SMYD1: variants seen among roughly 807,000 people sequenced by gnomAD.
The protein encoded by SMYD1 is SET and MYND domain containing 1, also known as histone-lysine N-methyltransferase SMYD1.
A neutral mutation model predicts 54.0 loss-of-function variants in SMYD1; 49 were observed. The observed-to-expected ratio is 0.91, with a 90% CI of 0.72 to 1.15. The LOEUF (loss-of-function observed/expected upper bound fraction) is 1.15. SMYD1 is among the 50% of genes most tolerant of loss of function. SMYD1 has a pLI of 0.00. For missense variants in SMYD1, 653 were observed against 639.6 expected, an observed-to-expected ratio of 1.02 and a Z score of -0.23; for synonymous variants, 269 against 234.2, an observed-to-expected ratio of 1.15 and a Z score of -1.36.
intron 1 of SMYD1, among the ~76,000 whole-genome samples, chr2:88,082,149 C>G (rs546545782): frequency 3.3e-5 from 5 of 152,216 alleles, no homozygotes; most frequent in African/African-American, 1.2e-4. Context: ...GGTGCACCCT[C>G]TGTGGCCTAG....
At position 88,087,934 on chromosome 2, in the gene SMYD1, G is replaced by A; in HGVS notation, c.387G>A (p.Val129=). 6.2e-7 allele frequency: 1 copy of A among 1,613,982 alleles called. No homozygotes were observed. The highest frequency in any genetic ancestry group is 1.1e-5 in the South Asian group (1 of 91,080). The stretch of plus-strand genomic sequence containing the variant: ...TCACGGAGGGCTGCCTGGTGTCCGT[G>A]GACGACTTGCAGAACCACGTGGAGC... ...TGLTEGCLVS[V]DDLQNHVEHF... Residue 129 remains valine, a synonymous_variant, in exon 3 of 10, where the codon GTG becomes GTA. Transcript: ENST00000419482.
At chr2:88,076,247 C>A (rs1399803026) in intron 1 of SMYD1, among the ~76,000 whole-genome samples, 3 of 152,190 alleles carry the variant, frequency 2.0e-5, no homozygotes, top group Non-Finnish European at 2.9e-5. Flanking sequence ...CAGAGTCTCG[C>A]TCTGTCGCCC....
intron 7 of SMYD1, 90 bp from the exon 8 acceptor site, chr2:88,106,235 A>G: frequency 6.6e-7 from 1 of 1,512,242 alleles, no homozygotes; most frequent in Non-Finnish European, 9.0e-7. Context: ...AAAAAGAATG[A>G]TTGTCTGGTA....
At position 88,105,303 on chromosome 2, in the gene SMYD1, T is replaced by C. The variant is rs145125317; in HGVS notation, c.982-1022T>C. ...TTCTCATCTCGTAAAATGGGATTAT[T>C]AGTAGTACTCATCTCAATGTGTTCT... is the stretch of plus-strand genomic sequence containing the variant. On this transcript the variant is annotated intron_variant, in intron 7 of 9. Transcript: ENST00000419482. Among the ~76,000 whole-genome samples the C allele has an allele frequency of 1.0e-3, 157 of 152,278 alleles. 1 individual carries two copies. Among genetic ancestry groups the C allele is most frequent in the African/African-American group, 3.5e-3 (145 of 41,542 alleles).
intron 1 of SMYD1, among the ~76,000 whole-genome samples, chr2:88,082,142 G>T (rs1330852781): frequency 6.6e-6 from 1 of 152,080 alleles, no homozygotes; most frequent in Non-Finnish European, 1.5e-5. Flanking sequence ...CAGGGAGGGT[G>T]CACCCTCTGT....
intron 6 of SMYD1, among the ~76,000 whole-genome samples, chr2:88,097,790 T>C (rs1383537357): frequency 1.4e-5 from 2 of 147,054 alleles, no homozygotes; most frequent in Non-Finnish European, 3.0e-5. Flanking sequence ...CTACCATTTA[T>C]GAACATTAAA....
chr2:88,072,182 G>A (rs974646869), intron 1 of SMYD1, among the ~76,000 whole-genome samples: 3 of 152,082 alleles, frequency 2.0e-5, no homozygotes, highest in Non-Finnish European at 4.4e-5. Context: ...ATGAAATCTT[G>A]CTCTGTCAGC....
chr2:88,077,712 G>GTGGGCATT (rs1340915271), intron 1 of SMYD1, among the ~76,000 whole-genome samples: 1 of 151,060 alleles, frequency 6.6e-6, no homozygotes, highest in African/African-American at 2.4e-5. Flanking sequence ...CAGGGGAGGG[G>GTGGGCATT]TGGGCATTTC....
rs757864602 is a variant in SMYD1 at position 88,068,012 on chromosome 2, TG to T, written c.137+15del. The T allele has an allele frequency of 6.2e-7, 1 of 1,609,692 alleles. No individual in the cohort carries two copies. Among genetic ancestry groups the T allele is most frequent in the African/African-American group, 1.3e-5 (1 of 74,740 alleles). On this transcript the variant is annotated intron_variant, in intron 1 of 9. Coordinates refer to ENST00000419482, the MANE Select transcript of SMYD1 (RefSeq NM_198274.4). ...AGTGGTTTTTGACAGGTATGAAATGTGGGGAGTTGCCTTCTCTCCTGTTAGT... is the reference window on the plus strand; with the variant it reads ...AGTGGTTTTTGACAGGTATGAAATGTGGGAGTTGCCTTCTCTCCTGTTAGT...
chr2:88,097,214 A>G (rs185643000), intron 6 of SMYD1, among the ~76,000 whole-genome samples: 4 of 152,310 alleles, frequency 2.6e-5, no homozygotes, highest in Non-Finnish European at 5.9e-5. Context: ...TGGTTATCAA[A>G]AAGATATTCC....
chr2:88,077,572 G>C lies in SMYD1; in HGVS notation c.138-6744G>C, dbSNP rs921935649. ...TTGTGTGAATAGGAATGTAAGACTC[G>C]GGAGAAACGAGACTTGCTGAAGGTC... is the stretch of plus-strand genomic sequence containing the variant. On this transcript the variant is annotated intron_variant, in intron 1 of 9. Transcript: ENST00000419482. 2.0e-5 allele frequency among the ~76,000 whole-genome samples: 3 copies of C among 152,224 alleles called. No homozygotes were observed. In the South Asian group the frequency reaches 6.2e-4, roughly 32 times the overall value.
intron 7 of SMYD1, among the ~76,000 whole-genome samples, chr2:88,104,022 A>G (rs917465923): frequency 1.4e-5 from 2 of 147,780 alleles, no homozygotes; most frequent in African/African-American, 2.5e-5. Context: ...GCTGGAGTGC[A>G]GTGGCACGAT....
Position 88,096,752 on chromosome 2 carries a change from G to A in SMYD1, c.856G>A (p.Asp286Asn). The change falls in exon 6 of 10, where the codon GAC (aspartate) becomes AAC (asparagine). Residue 286 changes from aspartate to asparagine, a missense_variant. Coordinates refer to ENST00000419482, the MANE Select transcript of SMYD1 (RefSeq NM_198274.4). Reference protein sequence around the residue: ...CEHCQKKLKDDLFLGVKDNPK... With the variant: ...CEHCQKKLKDNLFLGVKDNPK... ...ACACTGCCAGAAAAAACTGAAGGAT[G>A]ACCTCTTCCTGGGGGTGAAAGACAA... 1 of 1,614,092 alleles carries A rather than the reference G, an allele frequency of 6.2e-7. No homozygotes were observed. The highest frequency in any genetic ancestry group is 8.5e-7 in the Non-Finnish European group (1 of 1,179,982).
At chr2:88,102,382 G>C (rs368826679) in intron 6 of SMYD1, among the ~76,000 whole-genome samples, 100 of 151,554 alleles carry the variant, frequency 6.6e-4, no homozygotes, top group African/African-American at 2.4e-3. Context: ...TTTTTGGTAA[G>C]ATCACTAGGC....
In SMYD1 at chr2:88,095,088, C is replaced by T. The variant is rs906801610; in HGVS notation, c.699-1507C>T. On this transcript the variant is annotated intron_variant, in intron 5 of 9. Coordinates refer to ENST00000419482, the MANE Select transcript of SMYD1 (RefSeq NM_198274.4). ...TGAAGTTCCAATCCTGGCTCTGTCC[C>T]GAAAGTGTTGTGGGACCTATCCCTC... Among the ~76,000 whole-genome samples the T allele has an allele frequency of 3.3e-5, 5 of 152,066 alleles. No homozygotes were observed. In the South Asian group the frequency reaches 6.2e-4, roughly 19 times the overall value.
intron 1 of SMYD1, among the ~76,000 whole-genome samples, chr2:88,083,839 G>T (rs760661223): frequency 1.3e-5 from 2 of 152,336 alleles, no homozygotes; most frequent in Non-Finnish European, 2.9e-5. Flanking sequence ...GCTCATGCCT[G>T]TAATCCCAGC....
Position 88,110,360 on chromosome 2 carries a change from C to T in SMYD1, c.1321C>T (p.Arg441Trp), listed in dbSNP as rs142936938. Residue 441 changes from arginine (R) to tryptophan (W), a missense_variant, in exon 10 of 10, where the codon CGG becomes TGG. Arg to Trp is a moderately radical substitution (Grantham distance 101). Transcript: ENST00000419482. Reference sequence around the variant, plus strand: ...GTGTATCTGTGTCCCACAGGCCATGCGGGTGCAGACGGAGATGGAGCTACG... The same window carrying T: ...GTGTATCTGTGTCCCACAGGCCATGTGGGTGCAGACGGAGATGGAGCTACG... ...HPITKDLEAM[R>W]VQTEMELRMF... is the part of the protein sequence containing the mutation. The T allele has an allele frequency of 6.8e-3, 11,029 of 1,610,178 alleles. 68 individuals are homozygous for T. The highest frequency in any genetic ancestry group is 7.5e-3 in the Non-Finnish European group (8,832 of 1,178,064).
chr2:88,075,583 G>C, intron 1 of SMYD1, among the ~76,000 whole-genome samples: 1 of 140,312 alleles, frequency 7.1e-6, no homozygotes, highest in East Asian at 2.1e-4. Context: ...TGTTGGTCAA[G>C]CTGGAGTGTC....
intron 6 of SMYD1, among the ~76,000 whole-genome samples, chr2:88,100,241 TATTA>T: frequency 6.6e-6 from 1 of 152,284 alleles, no homozygotes. Context: ...ATGTTGCACT[TATTA>T]ATTAACAACC....
Sources: gnomAD v4.1 joint callset for allele counts (sites outside exome capture counted in the v4.1 genomes callset) on GRCh38, gnomAD v4.1.1 for gene constraint, MANE v1.5 for transcripts, NCBI Gene and HGNC (gene_info 2026-07-23, HGNC 2026-07-21) for gene names.